Variants in PIEZO2 observed in about 807,000 individuals in gnomAD.
PIEZO2 encodes piezo-type mechanosensitive ion channel component 2.
PIEZO2 carries 172 observed loss-of-function variants against 337.3 expected under a neutral mutation model. The observed-to-expected ratio is 0.51, with a 90% CI of 0.45 to 0.58. The LOEUF is 0.58. Among genes scored for constraint, PIEZO2 ranks in the 20% least tolerant of loss-of-function variants. PIEZO2 has a pLI of 0.00. For missense variants in PIEZO2, 3,028 were observed against 3,391.3 expected (o/e 0.89, Z 2.66); for synonymous variants, 1,251 against 1,228.5 (o/e 1.02, Z -0.38).
At chr18:10,761,702 A>AT (rs1491294166) in intron 23 of PIEZO2, among the ~76,000 whole-genome samples, 3 of 152,194 alleles carry the variant, frequency 2.0e-5, no homozygotes, top group Non-Finnish European at 4.4e-5. Context: ...CTTTATCCTC[A>AT]TAACAGCTAT....
intron 3 of PIEZO2, among the ~76,000 whole-genome samples, chr18:10,964,933 T>C (rs1260931605): frequency 6.6e-6 from 1 of 152,236 alleles, no homozygotes; most frequent in Non-Finnish European, 1.5e-5. Context: ...GCCAATACTT[T>C]AGTTTTATGG....
At position 11,148,787 on chromosome 18, in the gene PIEZO2, G is replaced by C. The variant is rs1234824673; in HGVS notation, c.-199C>G. 7.5e-6 allele frequency: 4 copies of C among 535,154 alleles called. No individual in the cohort carries two copies. Among genetic ancestry groups the C allele is most frequent in the Non-Finnish European group, 1.3e-5 (4 of 310,566 alleles). The allele number at this position is 535,154 out of a possible 1,614,324, so 33.2% of individuals were successfully genotyped here. ...CTCTTGGCCGCCCCTCGCCCACCGGGCTCTGGGTAGCCCCTCACCAGGCTC... is the reference window on the plus strand; with the variant it reads ...CTCTTGGCCGCCCCTCGCCCACCGGCCTCTGGGTAGCCCCTCACCAGGCTC... On this transcript the variant is annotated 5_prime_UTR_variant, in exon 1 of 56. Coordinates refer to ENST00000674853, the MANE Select transcript of PIEZO2 (RefSeq NM_001378183.1). This position sits in a 1 kb window ranked among gnomAD's most constrained non-coding sequence, Gnocchi z 5.2.
chr18:10,982,140 C>T lies in PIEZO2; in HGVS notation c.161-2480G>A, dbSNP rs2034689753. Reference sequence around the variant, plus strand: ...TCTTTTCTTGATTTCAAAGAGAAAGCTTTCAAGAGTTCTATTATGCAAAAT... The same window carrying T: ...TCTTTTCTTGATTTCAAAGAGAAAGTTTTCAAGAGTTCTATTATGCAAAAT... On this transcript the variant is annotated intron_variant, in intron 2 of 55. Transcript: ENST00000674853. The surrounding 1 kb of genome is among the most constrained non-coding windows in gnomAD (Gnocchi z 4.1). Among the ~76,000 whole-genome samples, 1 of 152,126 alleles carries T rather than the reference C, an allele frequency of 6.6e-6. No individual in the cohort carries two copies. The highest frequency in any genetic ancestry group is 1.9e-4 in the East Asian group (1 of 5,196).
chr18:10,776,803 GC>G (rs1206413689), intron 18 of PIEZO2, among the ~76,000 whole-genome samples: 2 of 152,024 alleles, frequency 1.3e-5, no homozygotes, highest in Non-Finnish European at 2.9e-5. Flanking sequence ...TTTTAATTCA[GC>G]TTTTTTTTTC....
At chr18:10,971,237 C>A (rs2145436256) in intron 3 of PIEZO2, among the ~76,000 whole-genome samples, 1 of 152,316 alleles carries the variant, frequency 6.6e-6, no homozygotes, top group East Asian at 1.9e-4. Flanking sequence ...ATGGATTAGA[C>A]TACCTATGTG....
At chr18:11,084,720 A>C (rs2038860222) in intron 1 of PIEZO2, among the ~76,000 whole-genome samples, 1 of 152,192 alleles carries the variant, frequency 6.6e-6, no homozygotes, top group Non-Finnish European at 1.5e-5. Context: ...ACCAGACATC[A>C]TCCCACCAGC....
chr18:11,107,888 G>A (rs1304465052), intron 1 of PIEZO2, among the ~76,000 whole-genome samples: 1 of 152,162 alleles, frequency 6.6e-6, no homozygotes, highest in African/African-American at 2.4e-5. Flanking sequence ...TTTGCTGCTT[G>A]GCAACGGCTT....
chr18:11,051,082 G>T (rs8095703), intron 2 of PIEZO2, among the ~76,000 whole-genome samples: 1 of 151,820 alleles, frequency 6.6e-6, no homozygotes, highest in Non-Finnish European at 1.5e-5. Context: ...AAACACTGGG[G>T]TCATTATCTG....
At chr18:11,041,331 C>T (rs752941780) in intron 2 of PIEZO2, among the ~76,000 whole-genome samples, 3 of 152,022 alleles carry the variant, frequency 2.0e-5, no homozygotes, top group Non-Finnish European at 2.9e-5. Flanking sequence ...AATCAAGAGC[C>T]CTAAGGATAA....
chr18:10,989,416 A>C lies in PIEZO2; in HGVS notation c.161-9756T>G, dbSNP rs1333734264. Among the ~76,000 whole-genome samples the C allele has an allele frequency of 2.6e-5, 4 of 152,130 alleles. No homozygotes were observed. The East Asian group carries it at 7.7e-4, about 29-fold the overall frequency. ...TTAAATTCTAGAGTTAACAGATGAAAATATGAAATAATAACTGTGACTTTG... is the reference window on the plus strand; with the variant it reads ...TTAAATTCTAGAGTTAACAGATGAACATATGAAATAATAACTGTGACTTTG... On this transcript the variant is annotated intron_variant, in intron 2 of 55. Transcript: ENST00000674853.
chr18:11,141,090 CA>C (rs2040631198), intron 1 of PIEZO2, among the ~76,000 whole-genome samples: 3 of 152,154 alleles, frequency 2.0e-5, no homozygotes, highest in Non-Finnish European at 4.4e-5. Context: ...TCTTGACTAT[CA>C]GGGGAGACAG....
chr18:10,983,653 A>G (rs1488765164), intron 2 of PIEZO2, among the ~76,000 whole-genome samples: 2 of 151,922 alleles, frequency 1.3e-5, no homozygotes, highest in African/African-American at 4.8e-5. Context: ...GAGACCCACC[A>G]CTGAACCCCA....
intron 7 of PIEZO2, among the ~76,000 whole-genome samples, chr18:10,840,566 G>A (rs2041159163): frequency 6.6e-6 from 1 of 151,690 alleles, no homozygotes; most frequent in Non-Finnish European, 1.5e-5. Context: ...TAATAGGTGA[G>A]AAAAATCTAG....
chr18:10,733,120 G>T (rs1477266748), intron 35 of PIEZO2, among the ~76,000 whole-genome samples: 1 of 152,142 alleles, frequency 6.6e-6, no homozygotes, highest in Non-Finnish European at 1.5e-5. Flanking sequence ...AAGAAGTCTT[G>T]TAGAAAGGGT....
intron 2 of PIEZO2, among the ~76,000 whole-genome samples, chr18:11,045,989 C>T (rs182936571): frequency 2.6e-5 from 4 of 152,282 alleles, no homozygotes; most frequent in Admixed American, 6.5e-5. Flanking sequence ...AGGACTTGCT[C>T]ATTCAGATTC....
chr18:10,719,288 C>CT (rs2036155942), intron 36 of PIEZO2, among the ~76,000 whole-genome samples: 1 of 152,122 alleles, frequency 6.6e-6, no homozygotes, highest in Non-Finnish European at 1.5e-5. Flanking sequence ...TTCTGGTGTA[C>CT]TCATCACCAA....
chr18:11,107,284 T>C (rs2039598389), intron 1 of PIEZO2, among the ~76,000 whole-genome samples: 1 of 152,222 alleles, frequency 6.6e-6, no homozygotes, highest in Non-Finnish European at 1.5e-5. Context: ...TATTATACTT[T>C]AAAATATCAT....
At chr18:10,956,008 G>A (rs1044480203) in intron 3 of PIEZO2, among the ~76,000 whole-genome samples, 1 of 152,134 alleles carries the variant, frequency 6.6e-6, no homozygotes, top group African/African-American at 2.4e-5. Flanking sequence ...TTTCTTTGGG[G>A]AGGGAGCAGT....
chr18:10,887,554 C>A (rs1294994155), intron 4 of PIEZO2, among the ~76,000 whole-genome samples: 3 of 152,122 alleles, frequency 2.0e-5, no homozygotes, highest in Admixed American at 2.0e-4. Flanking sequence ...AACCACCATA[C>A]AATCTTCCCA....
Sources: gnomAD v4.1 joint callset for allele counts (sites outside exome capture counted in the v4.1 genomes callset) on GRCh38, gnomAD v4.1.1 for gene constraint, Gnocchi (gnomAD v3.1) non-coding constraint, MANE v1.5 for transcripts, NCBI Gene and HGNC (gene_info 2026-07-23, HGNC 2026-07-21) for gene names.